The following GALNT13 variants were observed in gnomAD, a reference collection of about 807,000 sequenced individuals.
The protein encoded by GALNT13 is UDP-GalNAc:polypeptide N-acetylgalactosaminyltransferase 13.
GALNT13 carries 28 observed loss-of-function variants against 64.2 expected under a neutral mutation model. The ratio of observed to expected loss-of-function variants is 0.44; its 90% CI spans 0.32 to 0.60. The LOEUF is 0.60. Among genes scored for constraint, GALNT13 ranks in the 20% least tolerant of loss-of-function variants. The pLI is 0.05. For synonymous variants in GALNT13, 214 were observed against 224.6 expected, an observed-to-expected ratio of 0.95 and a Z score of 0.42; for missense variants, 577 against 669.8, an observed-to-expected ratio of 0.86 and a Z score of 1.53.
chr2:153,646,926 G>A, the GALNT13 span, among the ~76,000 whole-genome samples: 12 of 152,114 alleles, frequency 7.9e-5, no homozygotes, highest in East Asian at 3.9e-4. Context: ...ATAAACATAC[G>A]TGTCCATGTG....
the GALNT13 span, among the ~76,000 whole-genome samples, chr2:153,753,202 T>C: frequency 6.6e-6 from 1 of 152,144 alleles, no homozygotes; most frequent in African/African-American, 2.4e-5. Context: ...GAATTACCTA[T>C]ACAATAGGTC....
the GALNT13 span, among the ~76,000 whole-genome samples, chr2:153,658,900 C>T: frequency 6.6e-6 from 1 of 151,884 alleles, no homozygotes; most frequent in Non-Finnish European, 1.5e-5. Context: ...CATCTGTTGA[C>T]CCATTTATCA....
At chr2:153,998,971 C>A (rs1399065200) in intron 3 of GALNT13, among the ~76,000 whole-genome samples, 1 of 152,074 alleles carries the variant, frequency 6.6e-6, no homozygotes. Flanking sequence ...AATGGCCAAA[C>A]TGCCCAAAGT....
At chr2:153,386,740 T>G in the GALNT13 span, among the ~76,000 whole-genome samples, 1 of 152,052 alleles carries the variant, frequency 6.6e-6, no homozygotes, top group South Asian at 2.1e-4. Flanking sequence ...TAGTACAATT[T>G]CACTTATAAT....
At chr2:154,027,013 G>T (rs932998064) in intron 3 of GALNT13, among the ~76,000 whole-genome samples, 1 of 152,146 alleles carries the variant, frequency 6.6e-6, no homozygotes, top group African/African-American at 2.4e-5. Flanking sequence ...GAAGGAGCTG[G>T]AGGACAAGCA....
chr2:153,079,848 G>A, the GALNT13 span, among the ~76,000 whole-genome samples: 3 of 152,174 alleles, frequency 2.0e-5, no homozygotes, highest in East Asian at 1.9e-4. Flanking sequence ...TAAAGGATGC[G>A]CTGCGCTATG....
At chr2:153,403,595 G>A in the GALNT13 span, among the ~76,000 whole-genome samples, 2 of 152,212 alleles carry the variant, frequency 1.3e-5, no homozygotes, top group African/African-American at 4.8e-5. Flanking sequence ...CTGGGCGTAG[G>A]ACCCTCCGAG....
chr2:153,473,040 G>C, the GALNT13 span, among the ~76,000 whole-genome samples: 4 of 151,998 alleles, frequency 2.6e-5, no homozygotes, highest in Admixed American at 6.6e-5. Context: ...GTCGGCGGGT[G>C]GGGGGCTAGG....
chr2:153,602,511 G>T, the GALNT13 span, among the ~76,000 whole-genome samples: 3 of 151,562 alleles, frequency 2.0e-5, no homozygotes. Context: ...AAAAAGTGAG[G>T]GAATTAGCCA....
chr2:154,045,450 C>T (rs1019457950), intron 3 of GALNT13, among the ~76,000 whole-genome samples: 2 of 152,078 alleles, frequency 1.3e-5, no homozygotes, highest in African/African-American at 4.8e-5. Flanking sequence ...TGCCTGTATC[C>T]CAGGTCTTAC....
intron 3 of GALNT13, among the ~76,000 whole-genome samples, chr2:154,028,925 C>T (rs924534351): frequency 8.6e-5 from 13 of 151,918 alleles, no homozygotes; most frequent in African/African-American, 3.1e-4. Context: ...GAACTAAGGT[C>T]GTAGGGCAAC....
chr2:153,792,390 G>T, the GALNT13 span, among the ~76,000 whole-genome samples: 1 of 152,030 alleles, frequency 6.6e-6, no homozygotes. Flanking sequence ...GCTATTTAAA[G>T]TATACAGGAG....
chr2:153,244,403 T>C, the GALNT13 span, among the ~76,000 whole-genome samples: 23,326 of 152,182 alleles, frequency 0.15, 2,125 homozygotes, highest in Non-Finnish European at 0.21. Context: ...GCAGCTCCCA[T>C]TGAGACCAAT....
chr2:153,827,558 G>A, the GALNT13 span, among the ~76,000 whole-genome samples: 14 of 151,412 alleles, frequency 9.2e-5, no homozygotes, highest in East Asian at 9.8e-4. Context: ...CCCGGGAGGC[G>A]GAGCTTGCAG....
chr2:154,299,214 G>C (rs975758064), intron 8 of GALNT13, among the ~76,000 whole-genome samples: 8 of 151,386 alleles, frequency 5.3e-5, no homozygotes, highest in Non-Finnish European at 8.8e-5. Flanking sequence ...GCATAATCTA[G>C]TAATGAGAAA....
At chr2:153,315,962 A>G in the GALNT13 span, among the ~76,000 whole-genome samples, 52 of 152,300 alleles carry the variant, frequency 3.4e-4, 1 homozygote, top group Middle Eastern at 6.8e-3. Flanking sequence ...GTAATAAGAA[A>G]AAAGAATCCA....
chr2:154,046,543 C>G (rs1699298207), intron 3 of GALNT13, among the ~76,000 whole-genome samples: 1 of 152,120 alleles, frequency 6.6e-6, no homozygotes, highest in South Asian at 2.1e-4. Context: ...CTTTAAGCCC[C>G]ATGCCTTGTT....
At chr2:153,182,411 C>A in the GALNT13 span, among the ~76,000 whole-genome samples, 1 of 152,186 alleles carries the variant, frequency 6.6e-6, no homozygotes, top group Non-Finnish European at 1.5e-5. Flanking sequence ...TAAATTTTCA[C>A]AGATATGAAC....
intron 8 of GALNT13, among the ~76,000 whole-genome samples, chr2:154,290,465 G>T (rs1223671537): frequency 6.6e-6 from 1 of 152,220 alleles, no homozygotes; most frequent in East Asian, 1.9e-4. Context: ...GAGCAAGCCA[G>T]AGAAGAATGT....
Sources: gnomAD v4.1 joint callset for allele counts (sites outside exome capture counted in the v4.1 genomes callset) on GRCh38, gnomAD v4.1.1 for gene constraint, MANE v1.5 for transcripts, NCBI Gene and HGNC (gene_info 2026-07-23, HGNC 2026-07-21) for gene names.